Variants in CBFB observed in about 807,000 individuals in gnomAD.
CBFB encodes the protein CBF-beta.
A neutral mutation model predicts 30.4 loss-of-function variants in CBFB; 9 were observed. That is an observed-to-expected ratio of 0.30 (90% CI 0.18 to 0.52). The LOEUF (loss-of-function observed/expected upper bound fraction) is 0.52. Ranked by LOEUF, CBFB falls within the 20% of genes least tolerant of loss-of-function variation. The pLI, the probability that CBFB is intolerant of heterozygous loss-of-function variation, is 0.97. For missense variants in CBFB, 170 were observed against 244.0 expected (o/e 0.70, Z 2.02); for synonymous variants, 94 against 84.0 (o/e 1.12, Z -0.65).
chr16:67,055,652 G>A (rs928516485), intron 3 of CBFB, among the ~76,000 whole-genome samples: 3 of 151,940 alleles, frequency 2.0e-5, no homozygotes, highest in Non-Finnish European at 2.9e-5. Context: ...CACCACACCC[G>A]GCCTCCAGAC....
chr16:67,035,107 T>C (rs1966420779), intron 2 of CBFB, among the ~76,000 whole-genome samples: 1 of 151,878 alleles, frequency 6.6e-6, no homozygotes, highest in Non-Finnish European at 1.5e-5. Flanking sequence ...TGTGATGGAG[T>C]CTCGCCTTGT....
chr16:67,085,272 C>T (rs1409366474), intron 5 of CBFB, among the ~76,000 whole-genome samples: 2 of 151,438 alleles, frequency 1.3e-5, no homozygotes, highest in Non-Finnish European at 2.9e-5. Context: ...CGGGTTCAAG[C>T]GATTCTCCTG....
Position 67,098,751 on chromosome 16 carries a change from T to C in CBFB, c.537T>C (p.Gly179=). 6.2e-7 allele frequency: 1 copy of C among 1,608,546 alleles called. No homozygotes were observed. The highest frequency in any genetic ancestry group is 1.1e-5 in the South Asian group (1 of 90,954). Residue 179 remains glycine, a synonymous_variant, in exon 6 of 6, where the codon GGT becomes GGC. Coordinates refer to ENST00000412916, the MANE Select transcript of CBFB (RefSeq NM_022845.3). ...QQDPSPGSNL[G]GGDDLKLR ...ACCCTAGTCCTGGTTCCAATTTAGG[T>C]GGTGGTGATGACCTCAAACTTCGTT...
At chr16:67,074,494 T>C (rs1961329460) in intron 4 of CBFB, among the ~76,000 whole-genome samples, 1 of 151,890 alleles carries the variant, frequency 6.6e-6, no homozygotes, top group Admixed American at 6.6e-5. Flanking sequence ...GTGATTCTCC[T>C]GCCTCAGCCT....
chr16:67,092,698 C>CTCTTTT (rs1961925973), intron 5 of CBFB, among the ~76,000 whole-genome samples: 3 of 33,492 alleles, frequency 9.0e-5, no homozygotes, highest in African/African-American at 3.5e-4. Context: ...GTGGTGCAAT[C>CTCTTTT]TTTTTTTTTT....
At chr16:67,077,790 A>G (rs1010305012) in intron 4 of CBFB, among the ~76,000 whole-genome samples, 6 of 152,268 alleles carry the variant, frequency 3.9e-5, no homozygotes, top group African/African-American at 1.4e-4. Context: ...TAAAGACACA[A>G]TTTAAATACA....
Position 67,036,622 on chromosome 16 carries a change from A to C in CBFB, c.166-17A>C. ...ATGTCCTGCTCCTGATCCTGTTTGTATTGATTTTTCTAAAAGGCTTTTGTG... is the reference window on the plus strand; with the variant it reads ...ATGTCCTGCTCCTGATCCTGTTTGTCTTGATTTTTCTAAAAGGCTTTTGTG... On this transcript the variant is annotated splice_polypyrimidine_tract_variant and intron_variant, in intron 2 of 5. Coordinates refer to ENST00000412916, the MANE Select transcript of CBFB (RefSeq NM_022845.3). 7.0e-7 allele frequency: 1 copy of C among 1,427,760 alleles called. No individual in the cohort carries two copies. Among genetic ancestry groups the C allele is most frequent in the Non-Finnish European group, 9.9e-7 (1 of 1,010,506 alleles). The allele number at this position is 1,427,760 out of a possible 1,614,324, so 88.4% of individuals were successfully genotyped here.
At position 67,099,879 on chromosome 16, in the gene CBFB, G is replaced by C. The variant is rs1962166685; in HGVS notation, c.*1101G>C. On this transcript the variant is annotated 3_prime_UTR_variant, in exon 6 of 6. Transcript: ENST00000412916. The stretch of plus-strand genomic sequence containing the variant: ...TTGCATGCTTTTGTAAAAACATGCT[G>C]GGTGATGAAAGATTAGTTTTAGAGA... 1 of 212,566 alleles carries C rather than the reference G, an allele frequency of 4.7e-6. No homozygotes were observed. The highest frequency in any genetic ancestry group is 1.9e-4 in the South Asian group (1 of 5,326). The allele number at this position is 212,566 out of a possible 1,614,324, so 13.2% of individuals were successfully genotyped here.
chr16:67,090,465 T>G (rs1339994589), intron 5 of CBFB, among the ~76,000 whole-genome samples: 1 of 152,216 alleles, frequency 6.6e-6, no homozygotes, highest in African/African-American at 2.4e-5. Flanking sequence ...TATATATGTC[T>G]ATAACTAATT....
chr16:67,088,163 A>G (rs564729287), intron 5 of CBFB, among the ~76,000 whole-genome samples: 12 of 152,350 alleles, frequency 7.9e-5, no homozygotes. Context: ...ACTCCAGCAC[A>G]TGCACTGGCA....
At chr16:67,085,803 G>A (rs958290918) in intron 5 of CBFB, among the ~76,000 whole-genome samples, 4 of 148,566 alleles carry the variant, frequency 2.7e-5, no homozygotes, top group Admixed American at 1.4e-4. Context: ...TCAGCCTCCC[G>A]AGTAGCTGGG....
intron 3 of CBFB, among the ~76,000 whole-genome samples, chr16:67,046,691 A>G (rs774518904): frequency 1.1e-4 from 16 of 152,208 alleles, no homozygotes; most frequent in African/African-American, 3.6e-4. Flanking sequence ...ATTGATGCAG[A>G]CATACATGCA....
chr16:67,078,269 T>A (rs1301096740), intron 4 of CBFB, among the ~76,000 whole-genome samples: 1 of 152,200 alleles, frequency 6.6e-6, no homozygotes, highest in East Asian at 1.9e-4. Flanking sequence ...CAAGACAAGC[T>A]GGGCACGGTG....
At chr16:67,086,330 A>G (rs1383672702) in intron 5 of CBFB, among the ~76,000 whole-genome samples, 1 of 152,242 alleles carries the variant, frequency 6.6e-6, no homozygotes, top group Non-Finnish European at 1.5e-5. Flanking sequence ...GAATGTTGTC[A>G]TTAAATGTCA....
rs2145792986 is a variant in CBFB at position 67,100,409 on chromosome 16, T to C, written c.*1631T>C. On this transcript the variant is annotated 3_prime_UTR_variant, in exon 6 of 6. Coordinates refer to ENST00000412916, the MANE Select transcript of CBFB (RefSeq NM_022845.3). ...ATTTGAAGTTATGCATGGAAAGGAGTGTGTTTAAATTGTTACAAACAATAA... is the reference window on the plus strand; with the variant it reads ...ATTTGAAGTTATGCATGGAAAGGAGCGTGTTTAAATTGTTACAAACAATAA... 4.5e-6 allele frequency: 1 copy of C among 223,650 alleles called. No homozygotes were observed. The allele number at this position is 223,650 out of a possible 1,614,324, so 13.9% of individuals were successfully genotyped here. A position where few individuals can be genotyped will look rare whatever the true frequency, so the allele number is the denominator to read the frequency against.
chr16:67,047,974 C>T (rs1315210333), intron 3 of CBFB, among the ~76,000 whole-genome samples: 1 of 152,116 alleles, frequency 6.6e-6, no homozygotes, highest in Non-Finnish European at 1.5e-5. Flanking sequence ...GAGGCTAAGG[C>T]AGGAGAATCA....
chr16:67,089,975 A>G (rs1961836407), intron 5 of CBFB, among the ~76,000 whole-genome samples: 1 of 152,208 alleles, frequency 6.6e-6, no homozygotes, highest in South Asian at 2.1e-4. Context: ...AAAAGTAGTC[A>G]TATCCTAACT....
chr16:67,081,817 GTT>G (rs933696051), intron 4 of CBFB, among the ~76,000 whole-genome samples: 3 of 149,096 alleles, frequency 2.0e-5, no homozygotes, highest in African/African-American at 7.6e-5. Flanking sequence ...GCGGGATGCT[GTT>G]TCTTTTTTTT....
Position 67,029,707 on chromosome 16 carries a change from C to T in CBFB, c.79-20C>T, listed in dbSNP as rs780348202. The T allele has an allele frequency of 5.1e-5, 80 of 1,575,564 alleles. No homozygotes were observed. Among genetic ancestry groups the T allele is most frequent in the Non-Finnish European group, 6.8e-5 (79 of 1,159,128 alleles). Reference sequence around the variant, plus strand: ...GCGCCGCGGATTTGGCTCCTGATTTCGGGCCGTCTTGCCTTGCAGATTAAG... The same window carrying T: ...GCGCCGCGGATTTGGCTCCTGATTTTGGGCCGTCTTGCCTTGCAGATTAAG... On this transcript the variant is annotated intron_variant, in intron 1 of 5. Coordinates refer to ENST00000412916, the MANE Select transcript of CBFB (RefSeq NM_022845.3).
Sources: gnomAD v4.1 joint callset for allele counts (sites outside exome capture counted in the v4.1 genomes callset) on GRCh38, gnomAD v4.1.1 for gene constraint, MANE v1.5 for transcripts, NCBI Gene and HGNC (gene_info 2026-07-23, HGNC 2026-07-21) for gene names.